Variants in TMEM87A observed in about 807,000 individuals in gnomAD.
The protein encoded by TMEM87A is Golgi-pH regulating cation channel.
A neutral mutation model predicts 90.0 loss-of-function variants in TMEM87A; 50 were observed. That is an observed-to-expected ratio of 0.56 (90% CI 0.44 to 0.70). TMEM87A has a LOEUF of 0.70. TMEM87A is among the 30% of genes least tolerant of loss of function. TMEM87A has a pLI of 0.00. For missense variants in TMEM87A, 577 were observed against 660.5 expected (o/e 0.87, Z 1.39); for synonymous variants, 226 against 226.7 (o/e 1.00, Z 0.03).
chr15:42,225,152 T>C (rs1223721658), intron 15 of TMEM87A, among the ~76,000 whole-genome samples: 2 of 152,212 alleles, frequency 1.3e-5, no homozygotes, highest in African/African-American at 4.8e-5. Context: ...AGCAAGGCCA[T>C]TTTCATGGAG....
intron 14 of TMEM87A, 126 bp downstream of exon 14, chr15:42,227,585 C>A: frequency 1.3e-6 from 1 of 751,928 alleles, no homozygotes; most frequent in East Asian, 2.8e-5. Flanking sequence ...TATCACAACC[C>A]TCAGAGTAGA....
At chr15:42,217,960 CT>C (rs766571318) in intron 18 of TMEM87A, 127 bp from the exon 19 acceptor site, 131 of 880,666 alleles carry the variant, frequency 1.5e-4, no homozygotes, top group Non-Finnish European at 2.0e-4. Flanking sequence ...ATTAATGGCC[CT>C]TTTAGGAAAA....
chr15:42,220,679 C>A (rs965488088), intron 15 of TMEM87A, among the ~76,000 whole-genome samples: 13 of 152,326 alleles, frequency 8.5e-5, no homozygotes, highest in South Asian at 6.2e-4. Flanking sequence ...AAGGTCTGAT[C>A]TGGTATATCT....
intron 19 of TMEM87A, 89 bp from the exon 20 acceptor site, chr15:42,211,838 T>C (rs1327590808): frequency 8.8e-7 from 1 of 1,142,452 alleles, no homozygotes; most frequent in Non-Finnish European, 1.3e-6. Context: ...AGCAAACATC[T>C]TCCACGAGTA....
chr15:42,244,206 G>A, intron 6 of TMEM87A, 39 bp from the exon 7 acceptor site: 3 of 1,362,110 alleles, frequency 2.2e-6, no homozygotes, highest in Non-Finnish European at 3.0e-6. Context: ...TAAATCTTAA[G>A]AATTAAGAGC....
intron 10 of TMEM87A, among the ~76,000 whole-genome samples, chr15:42,235,982 A>C (rs2050761789): frequency 6.6e-6 from 1 of 151,408 alleles, no homozygotes; most frequent in Non-Finnish European, 1.5e-5. Context: ...AGTTACAGCA[A>C]GAATGCGTTT....
At chr15:42,238,000 T>C (rs1181286963) in intron 8 of TMEM87A, among the ~76,000 whole-genome samples, 2 of 5,478 alleles carry the variant, frequency 3.7e-4, no homozygotes, top group African/African-American at 4.5e-4. Flanking sequence ...TATGTATATA[T>C]ATATATGTGT....
chr15:42,256,086 CAT>C (rs1400931913), intron 6 of TMEM87A, among the ~76,000 whole-genome samples: 1 of 151,950 alleles, frequency 6.6e-6, no homozygotes, highest in Non-Finnish European at 1.5e-5. Flanking sequence ...GGCCCATAAA[CAT>C]ATATGTTTAA....
chr15:42,261,989 T>C (rs571623590), intron 4 of TMEM87A: 2 of 152,350 alleles, frequency 1.3e-5, no homozygotes, highest in Non-Finnish European at 2.9e-5. Context: ...TACTACATTT[T>C]TTATGCCTGT....
At chr15:42,213,950 A>G (rs1019803400) in intron 19 of TMEM87A, among the ~76,000 whole-genome samples, 1 of 152,244 alleles carries the variant, frequency 6.6e-6, no homozygotes. Flanking sequence ...AACAACTATC[A>G]TGAAGATGTT....
intron 6 of TMEM87A, among the ~76,000 whole-genome samples, chr15:42,256,043 G>T (rs2051177230): frequency 1.3e-5 from 2 of 150,474 alleles, no homozygotes; most frequent in Admixed American, 6.6e-5. Flanking sequence ...GCCTCACAAA[G>T]TGCTGGGATC....
In TMEM87A at chr15:42,267,998, T is replaced by C; in HGVS notation, c.240A>G (p.Ile80Met). 6.2e-7 allele frequency: 1 copy of C among 1,613,640 alleles called. No individual in the cohort carries two copies. The highest frequency in any genetic ancestry group is 1.1e-5 in the South Asian group (1 of 91,038). ...DGEPCDLSLNITWYLKSADCY... is the reference protein window; with the variant it reads ...DGEPCDLSLNMTWYLKSADCY... ...AATCAGCGCTTTTCAGATACCAGGT[T>C]ATATTCAAAGACAGGTCACAAGGTT... Residue 80 changes from isoleucine to methionine, a missense_variant, in exon 3 of 20, where the codon ATA becomes ATG. Ile to Met is a conservative substitution (Grantham distance 10, BLOSUM62 1). Coordinates refer to ENST00000389834, the MANE Select transcript of TMEM87A (RefSeq NM_015497.5).
chr15:42,222,204 A>G (rs188661139), intron 15 of TMEM87A, among the ~76,000 whole-genome samples: 27 of 152,248 alleles, frequency 1.8e-4, no homozygotes, highest in African/African-American at 6.5e-4. Flanking sequence ...GATTACAGGC[A>G]TGTGCCATCA....
intron 19 of TMEM87A, among the ~76,000 whole-genome samples, chr15:42,214,186 C>T (rs952353449): frequency 2.0e-5 from 3 of 152,090 alleles, no homozygotes; most frequent in East Asian, 1.9e-4. Context: ...TCAAAAACAT[C>T]CCAACAAAAA....
chr15:42,220,740 G>C (rs2050463756), intron 15 of TMEM87A, among the ~76,000 whole-genome samples: 1 of 152,144 alleles, frequency 6.6e-6, no homozygotes, highest in Non-Finnish European at 1.5e-5. Context: ...GCAGCTCCCA[G>C]ACATGTAATT....
At chr15:42,234,093 CTT>C (rs1280944372) in intron 10 of TMEM87A, among the ~76,000 whole-genome samples, 3 of 152,052 alleles carry the variant, frequency 2.0e-5, no homozygotes, top group Non-Finnish European at 4.4e-5. Flanking sequence ...ACAAAAGAAA[CTT>C]TTAAAAAACA....
intron 6 of TMEM87A, among the ~76,000 whole-genome samples, chr15:42,245,520 CTTTTTTT>C (rs550453415): frequency 6.0e-4 from 71 of 118,424 alleles, no homozygotes; most frequent in African/African-American, 1.7e-3. Context: ...ACATTTATTA[CTTTTTTT>C]TTTTTTTTTT....
At chr15:42,262,083 AC>A (rs1444834413) in intron 4 of TMEM87A, 7 of 152,186 alleles carry the variant, frequency 4.6e-5, no homozygotes, top group Non-Finnish European at 8.8e-5. Context: ...GTGTAATTCA[AC>A]CCTGTTACAT....
At position 42,258,554 on chromosome 15, in the gene TMEM87A, G is replaced by A. The variant is rs1309999866; in HGVS notation, c.504+2404C>T. ...CGATTCTCCTGCCTCAGCCTCCTGA[G>A]TAGCTTGGATTACAGGTGCCTGCCA... On this transcript the variant is annotated intron_variant, in intron 6 of 19. Coordinates refer to ENST00000389834, the MANE Select transcript of TMEM87A (RefSeq NM_015497.5). 5 of 367,260 alleles carry A rather than the reference G, an allele frequency of 1.4e-5. No individual in the cohort carries two copies. The South Asian group carries it at 2.6e-4, about 19-fold the overall frequency. The allele number at this position is 367,260 out of a possible 1,614,324, so 22.8% of individuals were successfully genotyped here. A position where few individuals can be genotyped will look rare whatever the true frequency, so the allele number is the denominator to read the frequency against.
Sources: allele counts gnomAD v4.1 joint callset (sites outside exome capture counted in the v4.1 genomes callset), GRCh38; gene constraint gnomAD v4.1.1; transcripts MANE v1.5; gene names NCBI Gene and HGNC (gene_info 2026-07-23, HGNC 2026-07-21).